The following SYNPO2 variants were observed in gnomAD, a reference collection of about 807,000 sequenced individuals.
SYNPO2 encodes the protein synaptopodin 2.
Under a neutral mutation model 85.0 loss-of-function variants are expected in SYNPO2, and 56 were observed. The observed-to-expected ratio is 0.66, with a 90% CI of 0.53 to 0.82. The LOEUF (loss-of-function observed/expected upper bound fraction) is 0.82. SYNPO2 is among the 40% of genes least tolerant of loss of function. The pLI, the probability that SYNPO2 is intolerant of heterozygous loss-of-function variation, is 0.00. For missense variants in SYNPO2, 1,575 were observed against 1,534.2 expected (o/e 1.03, Z -0.44); for synonymous variants, 602 against 591.1 (o/e 1.02, Z -0.27).
rs532456271 is a variant in SYNPO2, at chr4:118,935,176, C to T, written c.105+46035C>T. Among the ~76,000 whole-genome samples, 188 of 152,188 alleles carry T rather than the reference C, an allele frequency of 1.2e-3. 1 individual carries two copies. The highest frequency in any genetic ancestry group is 4.3e-3 in the African/African-American group (179 of 41,502). ...TCCATGATACGGACATAGAGACTCC[C>T]AGTGAGGCCACTGGGAAGTAGTTTA... On this transcript the variant is annotated intron_variant, in intron 1 of 4. Coordinates refer to ENST00000307142, the MANE Select transcript of SYNPO2 (RefSeq NM_133477.3).
At chr4:118,904,013 G>A (rs1366268702) in intron 1 of SYNPO2, among the ~76,000 whole-genome samples, 1 of 152,096 alleles carries the variant, frequency 6.6e-6, no homozygotes, top group Non-Finnish European at 1.5e-5. Context: ...ACCGTGCCCC[G>A]CCAATGGTAC....
In SYNPO2 at chr4:118,913,563, TTGTGTG is replaced by T. The variant is rs10686830; in HGVS notation, c.105+24451_105+24456del. 8.0e-3 allele frequency among the ~76,000 whole-genome samples: 1,176 copies of T among 147,360 alleles called. 13 individuals carry two copies. The highest frequency in any genetic ancestry group is 0.038 in the Middle Eastern group (11 of 286). ...TCTTGAGCCTTCTTTCATTTATTGT[TTGTGTG>T]TGTGTGTGTGTGTGTGTGTGTGTGT... On this transcript the variant is annotated intron_variant, in intron 1 of 4. Transcript: ENST00000307142.
intron 1 of SYNPO2, among the ~76,000 whole-genome samples, chr4:118,929,772 C>T (rs905794295): frequency 1.3e-5 from 2 of 152,088 alleles, no homozygotes; most frequent in African/African-American, 4.8e-5. Flanking sequence ...TATCATAGAT[C>T]GATTGGTCTG....
chr4:118,879,478 C>T (rs989173548), intron 1 of SYNPO2, among the ~76,000 whole-genome samples: 3 of 152,128 alleles, frequency 2.0e-5, no homozygotes, highest in African/African-American at 7.2e-5. Flanking sequence ...AGACGAGAGA[C>T]ACAAGAGAGA....
chr4:119,046,693 C>T (rs1209850909), intron 4 of SYNPO2, among the ~76,000 whole-genome samples: 1 of 152,154 alleles, frequency 6.6e-6, no homozygotes, highest in Non-Finnish European at 1.5e-5. Flanking sequence ...GAAACTGTAG[C>T]CAGCAATACT....
intron 1 of SYNPO2, among the ~76,000 whole-genome samples, chr4:118,934,407 T>C (rs930246805): frequency 5.9e-5 from 9 of 152,288 alleles, no homozygotes; most frequent in African/African-American, 2.2e-4. Flanking sequence ...CCAGTTACTG[T>C]AGAGACTACA....
chr4:119,022,143 C>T (rs950515887), intron 1 of SYNPO2, among the ~76,000 whole-genome samples: 2 of 152,148 alleles, frequency 1.3e-5, no homozygotes, highest in Non-Finnish European at 2.9e-5. Flanking sequence ...CCCCACTATA[C>T]TGGGATGGTT....
chr4:118,861,596 G>A (rs1481207903), intron 1 of SYNPO2, among the ~76,000 whole-genome samples: 1 of 152,140 alleles, frequency 6.6e-6, no homozygotes, highest in Non-Finnish European at 1.5e-5. Context: ...TTATTGAAGA[G>A]TCTGTCCTTT....
At chr4:118,873,320 T>A (rs781591849) in intron 1 of SYNPO2, among the ~76,000 whole-genome samples, 13 of 152,232 alleles carry the variant, frequency 8.5e-5, no homozygotes, top group Non-Finnish European at 1.9e-4. Flanking sequence ...CAACAGTGTA[T>A]AAGTGTTTCC....
chr4:118,939,977 C>CTTTTTTTTTTT (rs111485944), intron 1 of SYNPO2, among the ~76,000 whole-genome samples: 4 of 119,848 alleles, frequency 3.3e-5, no homozygotes, highest in African/African-American at 9.0e-5. Context: ...TTTCTCTCTT[C>CTTTTTTTTTTT]TTTTTTTTTT....
intron 1 of SYNPO2, among the ~76,000 whole-genome samples, chr4:118,856,107 C>A (rs1280355647): frequency 2.6e-5 from 4 of 152,106 alleles, no homozygotes; most frequent in Admixed American, 2.6e-4. Context: ...GCATTTATAC[C>A]TGGCCCCACA....
intron 4 of SYNPO2, chr4:119,032,930 C>CACA: frequency 4.4e-6 from 1 of 225,204 alleles, no homozygotes; most frequent in Non-Finnish European, 6.3e-6. Context: ...AAGGTTGATT[C>CACA]CCACCCTCCC....
chr4:119,056,455 G>A (rs945644567), intron 4 of SYNPO2, among the ~76,000 whole-genome samples: 1 of 152,090 alleles, frequency 6.6e-6, no homozygotes, highest in African/African-American at 2.4e-5. Context: ...TACTTGGGAG[G>A]CTGAGGCAGG....
intron 1 of SYNPO2, among the ~76,000 whole-genome samples, chr4:118,903,521 A>G (rs2149120248): frequency 6.6e-6 from 1 of 152,336 alleles, no homozygotes; most frequent in Non-Finnish European, 1.5e-5. Flanking sequence ...CAGATGGAAC[A>G]ACTTGCGATG....
intron 1 of SYNPO2, among the ~76,000 whole-genome samples, chr4:118,876,232 T>C (rs1040223707): frequency 6.6e-6 from 1 of 152,202 alleles, no homozygotes; most frequent in Non-Finnish European, 1.5e-5. Flanking sequence ...TCAATTGCAC[T>C]AGTCTTCATC....
intron 1 of SYNPO2, among the ~76,000 whole-genome samples, chr4:118,871,236 C>A (rs1413687509): frequency 3.9e-5 from 6 of 152,184 alleles, no homozygotes; most frequent in Non-Finnish European, 8.8e-5. Context: ...CCACATCCCT[C>A]CCCACACCTT....
chr4:118,870,748 G>C (rs1039292535), intron 1 of SYNPO2, among the ~76,000 whole-genome samples: 1 of 152,136 alleles, frequency 6.6e-6, no homozygotes, highest in African/African-American at 2.4e-5. Context: ...AGGGGGTATG[G>C]GGGAGGGAGA....
chr4:118,856,406 G>T (rs528069362), intron 1 of SYNPO2, among the ~76,000 whole-genome samples: 1 of 152,240 alleles, frequency 6.6e-6, no homozygotes. Context: ...CCTAACAGAG[G>T]ATAATGAAGG....
At chr4:118,863,672 C>T (rs1321901233) in intron 1 of SYNPO2, among the ~76,000 whole-genome samples, 2 of 151,894 alleles carry the variant, frequency 1.3e-5, no homozygotes, top group South Asian at 2.1e-4. Flanking sequence ...AGTGCAGTGG[C>T]GTGATCCTGG....
Sources: gnomAD v4.1 joint callset for allele counts (sites outside exome capture counted in the v4.1 genomes callset) on GRCh38, gnomAD v4.1.1 for gene constraint, MANE v1.5 for transcripts, NCBI Gene and HGNC (gene_info 2026-07-23, HGNC 2026-07-21) for gene names.